Variants in NYX observed in about 807,000 individuals in gnomAD.
NYX encodes the protein leucine-rich repeat protein.
For synonymous variants in NYX, 258 were observed against 245.7 expected (o/e 1.05, Z -0.47); for missense variants, 481 against 485.4 (o/e 0.99, Z 0.09).
At chrX:41,468,773 A>G (rs2064349495) in intron 2 of NYX, among the ~76,000 whole-genome samples, 1 of 111,867 alleles carries the variant, frequency 8.9e-6, no homozygotes, top group Non-Finnish European at 1.9e-5. Flanking sequence ...ATGAAGGACT[A>G]TTTGTAAAGA....
chrX:41,474,390 C>T lies in NYX; in HGVS notation c.922C>T (p.Arg308Cys), dbSNP rs765226112. The T allele has an allele frequency of 6.6e-6, 8 of 1,206,611 alleles. No individual in the cohort carries two copies. The highest frequency in any genetic ancestry group is 7.8e-6 in the Non-Finnish European group (7 of 895,209). Residue 308 changes from arginine to cysteine, a missense_variant, in exon 3 of 3, where the codon CGC becomes TGC. By Grantham distance (180) the Arg-to-Cys change is radical. Transcript: ENST00000378220. ...CCTCGCGCTGCACCTCAACGGCAAC[C>T]GCCTCACCGTGCTCGCCTGGGTCGC... ...GLLALHLNGN[R>C]LTVLAWVAFQ...
chrX:41,451,979 T>C (rs2064281901), intron 2 of NYX, among the ~76,000 whole-genome samples: 1 of 110,331 alleles, frequency 9.1e-6, no homozygotes, highest in African/African-American at 3.3e-5. Flanking sequence ...GCTGTTGCTG[T>C]TGTTGTTGTT....
intron 2 of NYX, among the ~76,000 whole-genome samples, chrX:41,457,718 T>C (rs1349080539): frequency 9.0e-6 from 1 of 111,399 alleles, no homozygotes; most frequent in African/African-American, 3.3e-5. Flanking sequence ...ATTAGCTCTG[T>C]TTAGGTCAAA....
chrX:41,474,437 G>GGGCCGCCTCTTCCTC lies in NYX; in HGVS notation c.970_984dup (p.Gly324_Leu328dup). ...TCGCCTTCCAGCCCGGCTTCTTCCT[G>GGGCCGCCTCTTCCTC]GGCCGCCTCTTCCTCTTCCGCAACC... On this transcript the variant is annotated inframe_insertion, in exon 3 of 3. Coordinates refer to ENST00000378220, the MANE Select transcript of NYX (RefSeq NM_001378477.3). The GGGCCGCCTCTTCCTC allele has an allele frequency of 8.3e-7, 1 of 1,208,395 alleles. No homozygotes were observed. The highest frequency in any genetic ancestry group is 1.1e-6 in the Non-Finnish European group (1 of 895,411).
chrX:41,474,036 G>C lies in NYX; in HGVS notation c.568G>C (p.Glu190Gln), dbSNP rs772070483. 2.8e-6 allele frequency: 3 copies of C among 1,052,862 alleles called. No homozygotes were observed. Among genetic ancestry groups the C allele is most frequent in the Non-Finnish European group, 2.4e-6 (2 of 825,964 alleles). 86.8% of individuals were successfully genotyped at this position (1,052,862 alleles called of 1,213,427 possible). A position where few individuals can be genotyped will look rare whatever the true frequency, so the allele number is the denominator to read the frequency against. The change falls in exon 3 of 3, where the codon GAG (glutamate) becomes CAG (glutamine). Residue 190 changes from glutamate (E) to glutamine (Q), a missense_variant. Coordinates refer to ENST00000378220, the MANE Select transcript of NYX (RefSeq NM_001378477.3). ...CGCGCACCTGGAGCGCGGCCGCATC[G>C]AGGCGGTGGCCTCCAGCTCGCTGCA... Reference protein sequence around the residue: ...THAHLERGRIEAVASSSLQGL... With the variant: ...THAHLERGRIQAVASSSLQGL...
chrX:41,453,443 T>G (rs1238163119), intron 2 of NYX, among the ~76,000 whole-genome samples: 1 of 109,433 alleles, frequency 9.1e-6, no homozygotes, highest in East Asian at 2.8e-4. Context: ...AACTATCTTA[T>G]TTTCTTCTTC....
chrX:41,453,980 C>T (rs777013957), intron 2 of NYX, among the ~76,000 whole-genome samples: 4 of 112,517 alleles, frequency 3.6e-5, no homozygotes, highest in African/African-American at 9.7e-5. Context: ...CTACATTACA[C>T]TTTGTAACTC....
chrX:41,455,462 CAG>C (rs1162502419), intron 2 of NYX, among the ~76,000 whole-genome samples: 1 of 108,849 alleles, frequency 9.2e-6, no homozygotes, highest in African/African-American at 3.4e-5. Flanking sequence ...AGAGTGTCCT[CAG>C]AGTTTATGAG....
chrX:41,474,993 C>T lies in NYX; in HGVS notation c.*94C>T, dbSNP rs906348045. ...GAATGGAGGGCAGAGGTGAAAATCC[C>T]AGTGGAGGGTGGAAGGAACCGTTTG... is the stretch of plus-strand genomic sequence containing the variant. On this transcript the variant is annotated 3_prime_UTR_variant, in exon 3 of 3. Transcript: ENST00000378220. 11 of 842,201 alleles carry T rather than the reference C, an allele frequency of 1.3e-5. No individual in the cohort carries two copies. The African/African-American group carries it at 1.8e-4, about 14-fold the overall frequency. The allele number at this position is 842,201 out of a possible 1,213,427, so 69.4% of individuals were successfully genotyped here. A position where few individuals can be genotyped will look rare whatever the true frequency, so the allele number is the denominator to read the frequency against.
At position 41,473,569 on chromosome X, in the gene NYX, C is replaced by CGTG. The variant is rs2064371609; in HGVS notation, c.101_102insGTG (p.Thr34_Val35insCys). On this transcript the variant is annotated inframe_insertion, in exon 3 of 3. Coordinates refer to ENST00000378220, the MANE Select transcript of NYX (RefSeq NM_001378477.3). ...TGTCCCGCCGCCTGCGCCTGCAGCACCGTGGAGCGCGGCTGCTCGGTGCGC... is the reference window on the plus strand; with the variant it reads ...TGTCCCGCCGCCTGCGCCTGCAGCACGTGCGTGGAGCGCGGCTGCTCGGTGCGC... 2.0e-6 allele frequency: 2 copies of CGTG among 1,011,519 alleles called. No individual in the cohort carries two copies. Among genetic ancestry groups the CGTG allele is most frequent in the Non-Finnish European group, 2.5e-6 (2 of 797,501 alleles). The allele number at this position is 1,011,519 out of a possible 1,213,427, so 83.4% of individuals were successfully genotyped here. A position where few individuals can be genotyped will look rare whatever the true frequency, so the allele number is the denominator to read the frequency against.
intron 2 of NYX, among the ~76,000 whole-genome samples, chrX:41,448,506 T>C (rs1160046219): frequency 9.2e-6 from 1 of 109,048 alleles, no homozygotes; most frequent in African/African-American, 3.3e-5. Context: ...CCTCCCAAAG[T>C]GCTGGGATTA....
Position 41,474,719 on chromosome X carries a change from C to G in NYX, c.1251C>G (p.Ala417=). The G allele has an allele frequency of 8.4e-7, 1 of 1,195,611 alleles. No individual in the cohort carries two copies. The highest frequency in any genetic ancestry group is 1.1e-6 in the Non-Finnish European group (1 of 888,865). The change falls in exon 3 of 3, where the codon GCC becomes GCG. Residue 417 remains alanine (A), a synonymous_variant. Transcript: ENST00000378220. ...RFSSLLSKLL[A]PRVPVEEAAN... is the part of the protein sequence containing the mutation. ...GCAGCCTCCTCTCCAAGCTGCTGGC[C>G]CCGAGGGTCCCGGTGGAGGAGGCGG... is the stretch of plus-strand genomic sequence containing the variant.
chrX:41,459,517 G>A (rs763366760), intron 2 of NYX, among the ~76,000 whole-genome samples: 1 of 110,495 alleles, frequency 9.1e-6, no homozygotes, highest in African/African-American at 3.3e-5. Flanking sequence ...TACTCGGGAG[G>A]CTGAGGCAGA....
chrX:41,465,509 C>G (rs2064334681), intron 2 of NYX, among the ~76,000 whole-genome samples: 1 of 106,359 alleles, frequency 9.4e-6, no homozygotes, highest in Admixed American at 1.0e-4. Flanking sequence ...ACAAGCTCCT[C>G]TAACTTGGCA....
chrX:41,460,172 T>TTTC (rs1314840081), intron 2 of NYX, among the ~76,000 whole-genome samples: 14 of 107,162 alleles, frequency 1.3e-4, no homozygotes, highest in African/African-American at 4.7e-4. Context: ...TCTTTTTCTT[T>TTTC]TTTTTTTTTT....
chrX:41,448,524 G>A (rs1454647959), intron 2 of NYX, among the ~76,000 whole-genome samples: 2 of 107,912 alleles, frequency 1.9e-5, no homozygotes, highest in Non-Finnish European at 3.8e-5. Context: ...TTACAGGCGT[G>A]AGCCACCGTA....
intron 2 of NYX, among the ~76,000 whole-genome samples, chrX:41,449,934 C>T (rs910640594): frequency 2.7e-5 from 3 of 111,239 alleles, no homozygotes; most frequent in Non-Finnish European, 1.9e-5. Flanking sequence ...AATATGTTCC[C>T]GAGAAGCAGG....
At chrX:41,452,198 C>T (rs1217254526) in intron 2 of NYX, among the ~76,000 whole-genome samples, 1 of 110,985 alleles carries the variant, frequency 9.0e-6, no homozygotes, top group East Asian at 2.8e-4. Flanking sequence ...GTCTTGAACT[C>T]GTGACCTCAA....
chrX:41,461,284 T>A (rs1156558003), intron 2 of NYX, among the ~76,000 whole-genome samples: 1 of 109,127 alleles, frequency 9.2e-6, no homozygotes, highest in Non-Finnish European at 1.9e-5. Context: ...GGTTTTCCAT[T>A]CCTGAGTTAC....
Sources: gnomAD v4.1 joint callset for allele counts (sites outside exome capture counted in the v4.1 genomes callset) on GRCh38, gnomAD v4.1.1 for gene constraint, MANE v1.5 for transcripts, NCBI Gene and HGNC (gene_info 2026-07-23, HGNC 2026-07-21) for gene names.